Variants in MGAT5 observed in about 807,000 individuals in gnomAD.
The protein encoded by MGAT5 is alpha-1,6-mannosylglycoprotein 6-beta-N-acetylglucosaminyltransferase.
MGAT5 carries 30 observed loss-of-function variants against 94.3 expected under a neutral mutation model. The observed-to-expected ratio is 0.32, with a 90% CI of 0.24 to 0.43. MGAT5 has a LOEUF of 0.43. Ranked by LOEUF, MGAT5 falls within the 20% of genes least tolerant of loss-of-function variation. MGAT5 has a pLI of 1.00. For synonymous variants in MGAT5, 310 were observed against 322.9 expected (o/e 0.96, Z 0.43); for missense variants, 691 against 905.5 (o/e 0.76, Z 3.04).
At chr2:134,341,827 A>C in intron 7 of MGAT5, 68 bp downstream of exon 7, 1 of 1,368,036 alleles carries the variant, frequency 7.3e-7, no homozygotes. Flanking sequence ...TTAAAGTATT[A>C]CCTCTATTAG....
At chr2:134,324,444 A>G (rs1047647988) in intron 4 of MGAT5, among the ~76,000 whole-genome samples, 1 of 152,196 alleles carries the variant, frequency 6.6e-6, no homozygotes, top group Non-Finnish European at 1.5e-5. Context: ...CCTTGGCAGT[A>G]TGTAAAACTA....
chr2:134,241,353 C>A (rs1368342868), intron 1 of MGAT5, among the ~76,000 whole-genome samples: 1 of 152,194 alleles, frequency 6.6e-6, no homozygotes, highest in African/African-American at 2.4e-5. Context: ...GCAATGAGTT[C>A]TCTTATAAAC....
At chr2:134,403,932 T>C (rs575166464) in intron 11 of MGAT5, among the ~76,000 whole-genome samples, 1 of 152,216 alleles carries the variant, frequency 6.6e-6, no homozygotes, top group Non-Finnish European at 1.5e-5. Flanking sequence ...GCTTTGACAC[T>C]GTAGGGAAGT....
chr2:134,157,622 T>A (rs1419258275), intron 1 of MGAT5, among the ~76,000 whole-genome samples: 2 of 152,094 alleles, frequency 1.3e-5, no homozygotes, highest in Non-Finnish European at 2.9e-5. Flanking sequence ...TTCAAGTACG[T>A]TACATCTATT....
chr2:134,132,652 A>G (rs950383832), intron 1 of MGAT5, among the ~76,000 whole-genome samples: 14 of 152,260 alleles, frequency 9.2e-5, no homozygotes, highest in Admixed American at 2.6e-4. Flanking sequence ...GACCTGGCCT[A>G]CAAAGTCTCA....
In MGAT5 at chr2:134,423,879, C is replaced by T. The variant is rs1011635228; in HGVS notation, c.1794+960C>T. Among the ~76,000 whole-genome samples, 13 of 152,194 alleles carry T rather than the reference C, an allele frequency of 8.5e-5. 1 individual carries two copies. The highest frequency in any genetic ancestry group is 1.5e-5 in the Non-Finnish European group (1 of 68,032). ...TTTTTGTTGATAGTCTAAATTTCTA[C>T]TACACCATTAGCAACATGAAGTCAG... On this transcript the variant is annotated intron_variant, in intron 13 of 15. Transcript: ENST00000281923.
chr2:134,219,309 G>A (rs1436280386), intron 1 of MGAT5, among the ~76,000 whole-genome samples: 1 of 152,108 alleles, frequency 6.6e-6, no homozygotes, highest in Non-Finnish European at 1.5e-5. Flanking sequence ...ACAGTTTACT[G>A]TAGGGGTGGG....
At chr2:134,249,582 T>C (rs1682471325), upstream of MGAT5, among the ~76,000 whole-genome samples, 1 of 152,256 alleles carries the variant, frequency 6.6e-6, no homozygotes, top group Admixed American at 6.5e-5. Flanking sequence ...AATCAGTTCA[T>C]TCCTTTTTAT....
intron 8 of MGAT5, among the ~76,000 whole-genome samples, chr2:134,346,332 T>C (rs1352279181): frequency 6.6e-6 from 1 of 152,186 alleles, no homozygotes; most frequent in Non-Finnish European, 1.5e-5. Flanking sequence ...ATTTGATTTC[T>C]TGTTGGATGA....
At chr2:134,392,800 G>T (rs1259760425) in intron 10 of MGAT5, among the ~76,000 whole-genome samples, 1 of 152,230 alleles carries the variant, frequency 6.6e-6, no homozygotes, top group Non-Finnish European at 1.5e-5. Context: ...AATTAGAAAT[G>T]CACCTTAGTG....
chr2:134,241,990 A>G (rs1440229611), intron 1 of MGAT5, among the ~76,000 whole-genome samples: 1 of 152,204 alleles, frequency 6.6e-6, no homozygotes, highest in Non-Finnish European at 1.5e-5. Context: ...ACTTTTAACT[A>G]TTGGTTGAAA....
chr2:134,365,246 CCTT>C (rs1415176821), intron 10 of MGAT5, among the ~76,000 whole-genome samples: 1 of 152,324 alleles, frequency 6.6e-6, no homozygotes, highest in Admixed American at 6.5e-5. Context: ...CCACCACCCT[CCTT>C]CTTGAGGGAA....
intron 1 of MGAT5, among the ~76,000 whole-genome samples, chr2:134,148,437 T>G (rs1292020604): frequency 6.6e-6 from 1 of 152,242 alleles, no homozygotes; most frequent in Non-Finnish European, 1.5e-5. Context: ...GAACCATTGG[T>G]CTAAGTGTTC....
At chr2:134,286,021 A>G (rs188740837) in intron 2 of MGAT5, among the ~76,000 whole-genome samples, 147 of 152,256 alleles carry the variant, frequency 9.7e-4, no homozygotes, top group Admixed American at 2.4e-3. Context: ...TTTACTTCTT[A>G]TGTTTGCATT....
intron 10 of MGAT5, among the ~76,000 whole-genome samples, chr2:134,397,563 T>A (rs1356411328): frequency 2.6e-5 from 4 of 152,182 alleles, no homozygotes; most frequent in African/African-American, 9.7e-5. Flanking sequence ...CAACCTTGGT[T>A]CACCTCATAG....
chr2:134,345,138 A>T (rs1688846915), intron 8 of MGAT5, 74 bp downstream of exon 8: 1 of 1,479,156 alleles, frequency 6.8e-7, no homozygotes, highest in Admixed American at 1.9e-5. Flanking sequence ...TTGTGGGTAG[A>T]AAAAGCTTAT....
intron 10 of MGAT5, among the ~76,000 whole-genome samples, chr2:134,387,333 T>TATATATATATATA (rs1491455775): frequency 2.5e-3 from 24 of 9,760 alleles, no homozygotes; most frequent in Non-Finnish European, 3.6e-3. Flanking sequence ...TATATATATA[T>TATATATATATATA]TTTTTTTTTT....
intron 9 of MGAT5, among the ~76,000 whole-genome samples, chr2:134,355,222 A>G (rs1056343937): frequency 1.3e-5 from 2 of 152,212 alleles, no homozygotes; most frequent in Admixed American, 1.3e-4. Flanking sequence ...ACTTCCTCCC[A>G]CTGAAAAAGG....
At chr2:134,281,332 A>G (rs554640611) in intron 2 of MGAT5, among the ~76,000 whole-genome samples, 17 of 152,332 alleles carry the variant, frequency 1.1e-4, no homozygotes, top group African/African-American at 3.8e-4. Flanking sequence ...TGCGGACAGC[A>G]TGATGCCAGG....
Sources: gnomAD v4.1 joint callset for allele counts (sites outside exome capture counted in the v4.1 genomes callset) on GRCh38, gnomAD v4.1.1 for gene constraint, MANE v1.5 for transcripts, NCBI Gene and HGNC (gene_info 2026-07-23, HGNC 2026-07-21) for gene names.